CNTNAP3B: variants seen among roughly 807,000 people sequenced by gnomAD.
CNTNAP3B encodes the protein contactin associated protein family member 3B.
In CNTNAP3B, 25 loss-of-function variants were observed where a neutral mutation model predicts 108.9. The ratio of observed to expected loss-of-function variants is 0.23; its 90% CI spans 0.17 to 0.32. The LOEUF (loss-of-function observed/expected upper bound fraction) is 0.32, where lower values mean the gene tolerates loss of function less well. Among genes scored for constraint, CNTNAP3B ranks in the 10% least tolerant of loss-of-function variants. The pLI is 1.00. For missense variants in CNTNAP3B, 252 were observed against 1,210.4 expected (o/e 0.21, Z 11.75); for synonymous variants, 103 against 473.4 (o/e 0.22, Z 10.16).
At chr9:42,108,141 A>T (rs1220507412) in intron 1 of CNTNAP3B, among the ~76,000 whole-genome samples, 3 of 138,662 alleles carry the variant, frequency 2.2e-5, no homozygotes, top group Admixed American at 7.2e-5. Context: ...GGGAAAACAC[A>T]GTGGGCACCC....
chr9:41,964,948 A>G (rs1286735249), intron 10 of CNTNAP3B, among the ~76,000 whole-genome samples: 3 of 152,362 alleles, frequency 2.0e-5, no homozygotes, highest in South Asian at 2.1e-4. Flanking sequence ...CACACATAAA[A>G]CTATGAAATA....
intron 2 of CNTNAP3B, among the ~76,000 whole-genome samples, chr9:42,087,306 G>A (rs1351879070): frequency 1.5e-5 from 2 of 135,760 alleles, no homozygotes; most frequent in Non-Finnish European, 3.2e-5. Context: ...ACTCCTACAT[G>A]TTTTGTTGGG....
rs1424664435 is a variant in CNTNAP3B at position 41,931,438 on chromosome 9, C to G, written c.2238-1994G>C. On this transcript the variant is annotated intron_variant, in intron 14 of 23. Transcript: ENST00000377561. The stretch of plus-strand genomic sequence containing the variant: ...CTTTTACTTAACTCGACTTTTGTAC[C>G]CATTAATCAACTTCTTTTATAAAAG... Among the ~76,000 whole-genome samples the G allele has an allele frequency of 2.0e-5, 3 of 152,388 alleles. No individual in the cohort carries two copies. In the East Asian group the frequency reaches 5.8e-4, roughly 29 times the overall value.
chr9:42,062,996 G>C lies in CNTNAP3B; in HGVS notation c.390+13873C>G, dbSNP rs1827200801. On this transcript the variant is annotated intron_variant, in intron 3 of 23. Coordinates refer to ENST00000377561, the MANE Select transcript of CNTNAP3B (RefSeq NM_001201380.3). ...GTGTAACCCTTAATGAATTATTGCA[G>C]CTTTAACTATTTTTAATAGTTTGTT... Among the ~76,000 whole-genome samples the C allele has an allele frequency of 2.0e-5, 2 of 99,062 alleles. 1 individual carries two copies. Among genetic ancestry groups the C allele is most frequent in the Admixed American group, 2.1e-4 (2 of 9,738 alleles). The allele number at this position is 99,062 out of a possible 152,430, so 65.0% of individuals were successfully genotyped here.
chr9:41,929,571 A>G lies in CNTNAP3B; in HGVS notation c.2238-127T>C, dbSNP rs1588045736. On this transcript the variant is annotated intron_variant, in intron 14 of 23. Coordinates refer to ENST00000377561, the MANE Select transcript of CNTNAP3B (RefSeq NM_001201380.3). ...TAACAGAATACTTAACATTTTCAAT[A>G]TTTTGAGAGCACAGAGACTACCATG... 1.2e-5 allele frequency: 15 copies of G among 1,233,428 alleles called. No homozygotes were observed. In the South Asian group the frequency reaches 2.0e-4, roughly 16 times the overall value. The allele number at this position is 1,233,428 out of a possible 1,614,324, so 76.4% of individuals were successfully genotyped here. A position where few individuals can be genotyped will look rare whatever the true frequency, so the allele number is the denominator to read the frequency against.
rs545961863 is a variant in CNTNAP3B at position 42,071,235 on chromosome 9, C to G, written c.390+5634G>C. Reference sequence around the variant, plus strand: ...GAGGGCAGTGGGAGCTGTGTACGTGCGTGTCTGCGTGTGTGTGTTCTATGC... The same window carrying G: ...GAGGGCAGTGGGAGCTGTGTACGTGGGTGTCTGCGTGTGTGTGTTCTATGC... On this transcript the variant is annotated intron_variant, in intron 3 of 23. Coordinates refer to ENST00000377561, the MANE Select transcript of CNTNAP3B (RefSeq NM_001201380.3). Among the ~76,000 whole-genome samples the G allele has an allele frequency of 1.4e-4, 21 of 146,232 alleles. 1 individual carries two copies. The highest frequency in any genetic ancestry group is 5.5e-4 in the African/African-American group (21 of 37,908).
At position 42,071,661 on chromosome 9, in the gene CNTNAP3B, C is replaced by A. The variant is rs970454338; in HGVS notation, c.390+5208G>T. Among the ~76,000 whole-genome samples, 53 of 135,306 alleles carry A rather than the reference C, an allele frequency of 3.9e-4. 1 individual carries two copies. In the South Asian group the frequency reaches 5.2e-3, roughly 13 times the overall value. 88.8% of individuals were successfully genotyped at this position (135,306 alleles called of 152,430 possible). A position where few individuals can be genotyped will look rare whatever the true frequency, so the allele number is the denominator to read the frequency against. Reference sequence around the variant, plus strand: ...TGGGATGTGAAGCTGTGGCAATGGTCCAGGTAAGAGATGGTGGGCAACTGG... The same window carrying A: ...TGGGATGTGAAGCTGTGGCAATGGTACAGGTAAGAGATGGTGGGCAACTGG... On this transcript the variant is annotated intron_variant, in intron 3 of 23. Transcript: ENST00000377561.
In CNTNAP3B at chr9:42,018,833, C is replaced by T. The variant is rs561601806; in HGVS notation, c.391-5308G>A. Among the ~76,000 whole-genome samples, 14 of 151,966 alleles carry T rather than the reference C, an allele frequency of 9.2e-5. No homozygotes were observed. The South Asian group carries it at 2.3e-3, about 25-fold the overall frequency. On this transcript the variant is annotated intron_variant, in intron 3 of 23. Transcript: ENST00000377561. ...AGATACTCAACCATGCGGAGCCTTC[C>T]CCTCTGAACACTGGGGAGAATGATG...
intron 3 of CNTNAP3B, among the ~76,000 whole-genome samples, chr9:42,040,684 GCCATCC>G (rs1388093181): frequency 1.8e-5 from 1 of 55,124 alleles, no homozygotes; most frequent in East Asian, 8.3e-4. Flanking sequence ...TAGATTCAAT[GCCATCC>G]CCATCAAGCT....
intron 15 of CNTNAP3B, among the ~76,000 whole-genome samples, chr9:41,925,966 T>G (rs1275289232): frequency 1.3e-5 from 2 of 152,292 alleles, no homozygotes; most frequent in Non-Finnish European, 1.5e-5. Context: ...TAGGGTGTCA[T>G]TGCTTCTAGC....
At chr9:41,916,655 A>G (rs895057447) in intron 18 of CNTNAP3B, among the ~76,000 whole-genome samples, 1 of 144,462 alleles carries the variant, frequency 6.9e-6, no homozygotes, top group Non-Finnish European at 1.5e-5. Flanking sequence ...ATGTGTAATG[A>G]TCAAATCAGG....
intron 2 of CNTNAP3B, among the ~76,000 whole-genome samples, chr9:42,094,262 A>G (rs1187964210): frequency 7.2e-6 from 1 of 138,412 alleles, no homozygotes; most frequent in Non-Finnish European, 1.5e-5. Context: ...AATCTAGATT[A>G]GGTCTGGCAG....
intron 10 of CNTNAP3B, among the ~76,000 whole-genome samples, chr9:41,968,398 T>G (rs1344912361): frequency 2.9e-5 from 4 of 139,778 alleles, no homozygotes; most frequent in Non-Finnish European, 6.1e-5. Context: ...CAACTACCCT[T>G]CCCACGACTA....
At chr9:41,962,878 C>G (rs947481793) in intron 11 of CNTNAP3B, among the ~76,000 whole-genome samples, 2 of 151,972 alleles carry the variant, frequency 1.3e-5, no homozygotes, top group Non-Finnish European at 2.9e-5. Context: ...TGGCGTGAAC[C>G]CAGGAGGCGG....
At chr9:41,958,804 C>T (rs1824960979) in intron 12 of CNTNAP3B, among the ~76,000 whole-genome samples, 3 of 151,288 alleles carry the variant, frequency 2.0e-5, no homozygotes, top group Admixed American at 6.6e-5. Context: ...ACAGAAAGCT[C>T]TGGTGTACTT....
At chr9:41,964,751 C>T (rs1825217466) in intron 10 of CNTNAP3B, 107 bp from the exon 11 acceptor site, 5 of 1,432,008 alleles carry the variant, frequency 3.5e-6, no homozygotes, top group Non-Finnish European at 4.6e-6. Context: ...CAAGATAACC[C>T]CACATGACGT....
chr9:41,928,900 G>T, intron 15 of CNTNAP3B, among the ~76,000 whole-genome samples: 1 of 142,478 alleles, frequency 7.0e-6, no homozygotes, highest in Non-Finnish European at 1.5e-5. Flanking sequence ...CACATTCGGT[G>T]CCATGTAATG....
chr9:42,121,700 CAT>C (rs1239767491), intron 1 of CNTNAP3B, among the ~76,000 whole-genome samples: 3 of 140,164 alleles, frequency 2.1e-5, no homozygotes, highest in Non-Finnish European at 3.1e-5. Context: ...TATGAAATGA[CAT>C]ATGCTATTTT....
intron 10 of CNTNAP3B, among the ~76,000 whole-genome samples, chr9:41,967,924 T>C (rs1825329767): frequency 6.6e-6 from 1 of 152,222 alleles, no homozygotes; most frequent in African/African-American, 2.4e-5. Flanking sequence ...CACACATTCA[T>C]GCTTAGTTGA....
Sources: gnomAD v4.1 joint callset for allele counts (sites outside exome capture counted in the v4.1 genomes callset) on GRCh38, gnomAD v4.1.1 for gene constraint, MANE v1.5 for transcripts, NCBI Gene and HGNC (gene_info 2026-07-23, HGNC 2026-07-21) for gene names.